VPS41: variants seen among roughly 807,000 people sequenced by gnomAD.
The protein encoded by VPS41 is VPS41 subunit of HOPS complex, also known as vacuolar protein sorting-associated protein 41 homolog.
Under a neutral mutation model 130.9 loss-of-function variants are expected in VPS41, and 85 were observed. The ratio of observed to expected loss-of-function variants is 0.65; its 90% CI spans 0.55 to 0.78. VPS41 has a LOEUF of 0.78. Ranked by LOEUF, VPS41 falls within the 30% of genes least tolerant of loss-of-function variation. The probability of loss-of-function intolerance (pLI) is 0.00; values close to 1 mark genes in which losing one functional copy is unlikely to be tolerated. For missense variants in VPS41, 874 were observed against 1,018.7 expected (o/e 0.86, Z 1.93); for synonymous variants, 335 against 332.9 (o/e 1.01, Z -0.07).
chr7:38,898,002 C>G, intron 2 of VPS41, 89 bp downstream of exon 2: 1 of 1,261,188 alleles, frequency 7.9e-7, no homozygotes, highest in Non-Finnish European at 1.2e-6. Flanking sequence ...CCCTCAGCCC[C>G]TGGGAATGTT....
chr7:38,765,464 C>A, intron 16 of VPS41, 116 bp downstream of exon 16: 1 of 651,658 alleles, frequency 1.5e-6, no homozygotes, highest in Non-Finnish European at 2.5e-6. Flanking sequence ...TTTTTCTTTC[C>A]ATCTGAGATA....
intron 17 of VPS41, 22 bp downstream of exon 17, chr7:38,763,433 T>C (rs373359537): frequency 1.7e-5 from 25 of 1,499,758 alleles, no homozygotes; most frequent in East Asian, 2.3e-5. Context: ...CAAGTAAATA[T>C]GACCACATCA....
At chr7:38,782,696 G>C (rs928716512) in intron 10 of VPS41, among the ~76,000 whole-genome samples, 1 of 152,134 alleles carries the variant, frequency 6.6e-6, no homozygotes, top group Non-Finnish European at 1.5e-5. Flanking sequence ...ACAGTGTCTG[G>C]CCCTCGATAG....
intron 12 of VPS41, among the ~76,000 whole-genome samples, chr7:38,773,670 C>T (rs1225830905): frequency 6.6e-6 from 1 of 152,150 alleles, no homozygotes; most frequent in East Asian, 1.9e-4. Flanking sequence ...ATTCACTGAA[C>T]ACCTAAAATG....
intron 4 of VPS41, among the ~76,000 whole-genome samples, chr7:38,849,491 A>G (rs1000013464): frequency 5.9e-5 from 9 of 152,194 alleles, no homozygotes; most frequent in African/African-American, 1.4e-4. Context: ...AGCTCTCAGC[A>G]GATGGGGGAG....
rs1584358061 is a variant in VPS41 at position 38,728,291 on chromosome 7, T to C, written c.2404+251A>G. ...AACCAGAGACTCTAGGGAGTCTGAC[T>C]GGGTCAGCGATCTGGGTTCCAATAA... On this transcript the variant is annotated intron_variant, in intron 27 of 28. Transcript: ENST00000310301. 2.5e-5 allele frequency: 16 copies of C among 648,180 alleles called. No homozygotes were observed. The East Asian group carries it at 4.4e-4, about 18-fold the overall frequency. The allele number at this position is 648,180 out of a possible 1,614,324, so 40.2% of individuals were successfully genotyped here. A position where few individuals can be genotyped will look rare whatever the true frequency, so the allele number is the denominator to read the frequency against.
intron 7 of VPS41, among the ~76,000 whole-genome samples, chr7:38,813,770 C>T (rs2116079727): frequency 6.6e-6 from 1 of 152,168 alleles, no homozygotes; most frequent in East Asian, 1.9e-4. Flanking sequence ...TTCAATTTTT[C>T]ACCAGATGAC....
Position 38,830,478 on chromosome 7 carries a change from C to T in VPS41, c.247-150G>A. 5 of 663,500 alleles carry T rather than the reference C, an allele frequency of 7.5e-6. No homozygotes were observed. The East Asian group carries it at 1.3e-4, about 17-fold the overall frequency. The allele number at this position is 663,500 out of a possible 1,614,324, so 41.1% of individuals were successfully genotyped here. On this transcript the variant is annotated intron_variant, in intron 4 of 28. Coordinates refer to ENST00000310301, the MANE Select transcript of VPS41 (RefSeq NM_014396.4). ...TATCTTACACAAAGCACAGTAGAAA[C>T]TATGAGAAGAAAAGTAAGCCTACGG...
intron 2 of VPS41, among the ~76,000 whole-genome samples, chr7:38,874,089 C>T (rs1279446536): frequency 3.3e-5 from 5 of 152,058 alleles, no homozygotes; most frequent in Non-Finnish European, 7.4e-5. Context: ...GTGTTTACAA[C>T]CAAAAATAAT....
chr7:38,841,814 G>C (rs1472553905), intron 4 of VPS41, among the ~76,000 whole-genome samples: 7 of 152,184 alleles, frequency 4.6e-5, no homozygotes, highest in African/African-American at 1.7e-4. Flanking sequence ...ATGTTGGTCA[G>C]GCTGGTCTCA....
In VPS41 at chr7:38,727,168, T is replaced by A. The variant is rs773639840; in HGVS notation, c.2405-180A>T. Reference sequence around the variant, plus strand: ...ATGATCAGACACAAAACAGGTATTATAATCATGTTGCTATGCGATTCACAG... The same window carrying A: ...ATGATCAGACACAAAACAGGTATTAAAATCATGTTGCTATGCGATTCACAG... On this transcript the variant is annotated intron_variant, in intron 27 of 28. Coordinates refer to ENST00000310301, the MANE Select transcript of VPS41 (RefSeq NM_014396.4). 1.8e-4 allele frequency: 84 copies of A among 458,954 alleles called. No homozygotes were observed. In the East Asian group the frequency reaches 3.1e-3, roughly 17 times the overall value. The allele number at this position is 458,954 out of a possible 1,614,324, so 28.4% of individuals were successfully genotyped here.
intron 3 of VPS41, among the ~76,000 whole-genome samples, chr7:38,866,520 A>G (rs187104457): frequency 3.9e-5 from 6 of 152,276 alleles, no homozygotes; most frequent in African/African-American, 1.4e-4. Flanking sequence ...GATGCCACCA[A>G]ATGGGATAAA....
intron 2 of VPS41, among the ~76,000 whole-genome samples, chr7:38,878,213 GA>G (rs1014959550): frequency 1.3e-5 from 2 of 149,302 alleles, no homozygotes; most frequent in Admixed American, 6.6e-5. Flanking sequence ...TAATAAACCA[GA>G]AAAAAAAATA....
At chr7:38,895,825 C>CTCGAAATCCACCAAGTCTCACATCTGT (rs1786974989) in intron 2 of VPS41, among the ~76,000 whole-genome samples, 1 of 152,150 alleles carries the variant, frequency 6.6e-6, no homozygotes, top group African/African-American at 2.4e-5. Context: ...TCTTTAAATT[C>CTCGAAATCCACCAAGTCTCACATCTGT]TCGAAATCCA....
intron 22 of VPS41, 55 bp downstream of exon 22, chr7:38,752,121 C>T: frequency 3.7e-6 from 6 of 1,605,808 alleles, no homozygotes; most frequent in Non-Finnish European, 5.1e-6. Flanking sequence ...AACAACTTAC[C>T]ATCAATGACA....
At chr7:38,791,199 T>G (rs1296768149) in intron 9 of VPS41, among the ~76,000 whole-genome samples, 1 of 152,192 alleles carries the variant, frequency 6.6e-6, no homozygotes, top group African/African-American at 2.4e-5. Flanking sequence ...TTTCTTCCCT[T>G]CTGGTAGACT....
intron 5 of VPS41, among the ~76,000 whole-genome samples, chr7:38,827,787 A>G (rs1488044463): frequency 6.6e-6 from 1 of 152,230 alleles, no homozygotes; most frequent in Non-Finnish European, 1.5e-5. Context: ...AACTGAGGCA[A>G]TCATCAAAAT....
In VPS41 at chr7:38,834,128, A is replaced by G. The variant is rs540677966; in HGVS notation, c.247-3800T>C. ...ATTTAAAAAAAAAAAAAACTTTTTT[A>G]GCACACAAGGAGAAAAATTCCTCAG... is the stretch of plus-strand genomic sequence containing the variant. On this transcript the variant is annotated intron_variant, in intron 4 of 28. Transcript: ENST00000310301. Among the ~76,000 whole-genome samples the G allele has an allele frequency of 1.0e-3, 152 of 151,980 alleles. 1 individual carries two copies. The highest frequency in any genetic ancestry group is 3.5e-3 in the African/African-American group (146 of 41,498).
intron 2 of VPS41, among the ~76,000 whole-genome samples, chr7:38,886,572 T>A (rs960345872): frequency 6.7e-5 from 10 of 150,320 alleles, no homozygotes; most frequent in African/African-American, 2.4e-4. Flanking sequence ...CCTTTCTAGG[T>A]TCCACCTCTG....
Sources: gnomAD v4.1 joint callset for allele counts (sites outside exome capture counted in the v4.1 genomes callset) on GRCh38, gnomAD v4.1.1 for gene constraint, MANE v1.5 for transcripts, NCBI Gene and HGNC (gene_info 2026-07-23, HGNC 2026-07-21) for gene names.